The following PES1 variants were observed in gnomAD, a reference collection of about 807,000 sequenced individuals.
PES1 encodes pescadillo homolog.
A neutral mutation model predicts 77.1 loss-of-function variants in PES1; 31 were observed. The observed-to-expected ratio is 0.40, with a 90% CI of 0.30 to 0.54. The LOEUF (loss-of-function observed/expected upper bound fraction) is 0.54. Ranked by LOEUF, PES1 falls within the 20% of genes least tolerant of loss-of-function variation. The pLI, the probability that PES1 is intolerant of heterozygous loss-of-function variation, is 0.45. For synonymous variants in PES1, 282 were observed against 303.0 expected (o/e 0.93, Z 0.72); for missense variants, 658 against 771.7 (o/e 0.85, Z 1.75).
chr22:30,580,841 T>C, intron 9 of PES1, 140 bp from the exon 10 acceptor site: 1 of 1,330,954 alleles, frequency 7.5e-7, no homozygotes, highest in African/African-American at 1.5e-5. Context: ...GCCCCACTCC[T>C]GAGCTCTGTT....
chr22:30,577,185 G>A lies in PES1; in HGVS notation c.1684-56C>T, dbSNP rs1481084043. ...GGTATGTGTAGAAGGGAGGGTGGGG[G>A]GCACAGAACTCAAAGCTATATCCCT... On this transcript the variant is annotated intron_variant, in intron 14 of 14. Coordinates refer to ENST00000354694, the MANE Select transcript of PES1 (RefSeq NM_014303.4). The A allele has an allele frequency of 2.8e-6, 4 of 1,405,872 alleles. No individual in the cohort carries two copies. In the Middle Eastern group the frequency reaches 5.3e-4, roughly 185 times the overall value. The allele number at this position is 1,405,872 out of a possible 1,614,324, so 87.1% of individuals were successfully genotyped here. A position where few individuals can be genotyped will look rare whatever the true frequency, so the allele number is the denominator to read the frequency against.
At chr22:30,590,836 G>C (rs2087164465) in intron 1 of PES1, among the ~76,000 whole-genome samples, 1 of 152,074 alleles carries the variant, frequency 6.6e-6, no homozygotes, top group Admixed American at 6.5e-5. Flanking sequence ...CTGAAACCCA[G>C]CTTTTAAAAA....
In PES1 at chr22:30,577,007, C is replaced by T. The variant is rs1428181635; in HGVS notation, c.*39G>A. The T allele has an allele frequency of 6.4e-7, 1 of 1,557,316 alleles. No homozygotes were observed. Among genetic ancestry groups the T allele is most frequent in the Non-Finnish European group, 8.9e-7 (1 of 1,129,126 alleles). On this transcript the variant is annotated 3_prime_UTR_variant, in exon 15 of 15. Coordinates refer to ENST00000354694, the MANE Select transcript of PES1 (RefSeq NM_014303.4). Reference sequence around the variant, plus strand: ...GGCCTGCCTCTGCCACATCCAGCTGCTAGGGGCTGGCCTCAGCCCTGTGAG... The same window carrying T: ...GGCCTGCCTCTGCCACATCCAGCTGTTAGGGGCTGGCCTCAGCCCTGTGAG...
At chr22:30,580,966 C>A (rs375893770) in intron 9 of PES1, 46 bp downstream of exon 9, 14 of 1,530,056 alleles carry the variant, frequency 9.1e-6, no homozygotes, top group African/African-American at 1.4e-5. Flanking sequence ...AAACCCCCCA[C>A]ACGACCCCTC....
rs1034330636 is a variant in PES1 at position 30,591,824 on chromosome 22, G to A, written c.10C>T (p.Leu4Phe). MGGLEKKKYERGSA... is the reference protein window; with the variant it reads MGGFEKKKYERGSA... ...TTCCCAATCACCTTCTTCTTCTCAA[G>A]GCCTCCCATCGCTCCACGTTGAGGA... The change falls in exon 1 of 15, where the codon CTT becomes TTT. Residue 4 changes from leucine (L) to phenylalanine (F), a missense_variant. Physicochemically the swap from Leu to Phe is conservative, Grantham distance 22. Transcript: ENST00000354694. The A allele has an allele frequency of 1.7e-5, 27 of 1,563,400 alleles. No homozygotes were observed. The highest frequency in any genetic ancestry group is 2.2e-5 in the Non-Finnish European group (25 of 1,155,100).
chr22:30,589,346 C>T, intron 1 of PES1, 76 bp from the exon 2 acceptor site: 5 of 1,190,154 alleles, frequency 4.2e-6, no homozygotes, highest in Middle Eastern at 2.3e-4. Flanking sequence ...ATGCCTAGTT[C>T]CAGAGGCAAC....
intron 2 of PES1, 93 bp from the exon 3 acceptor site, chr22:30,588,267 G>A: frequency 6.9e-7 from 1 of 1,456,468 alleles, no homozygotes; most frequent in South Asian, 1.2e-5. Context: ...AGTAAATGGG[G>A]AACATGGGGT....
intron 1 of PES1, chr22:30,606,750 C>A: frequency 4.6e-6 from 3 of 657,952 alleles, no homozygotes; most frequent in Non-Finnish European, 5.6e-6. Context: ...ACAATCCCCT[C>A]CCGCCACAAC....
intron 2 of PES1, chr22:30,604,197 CA>C (rs2087401080): frequency 1.3e-5 from 2 of 152,154 alleles, no homozygotes; most frequent in Admixed American, 1.3e-4. Context: ...TTTTAGGCAA[CA>C]GTGGGATGTT....
intron 2 of PES1, among the ~76,000 whole-genome samples, chr22:30,602,823 A>G (rs1009360108): frequency 6.6e-6 from 1 of 152,228 alleles, no homozygotes; most frequent in African/African-American, 2.4e-5. Context: ...TTTTGCATAT[A>G]GACATCCAAT....
At position 30,591,871 on chromosome 22, in the gene PES1, A is replaced by C; in HGVS notation, c.-38T>G. Reference sequence around the variant, plus strand: ...AGGAGCCGACTAGGGCCGCGCGTACAGGGAGCTCCACTTCCTCCCGCACGT... The same window carrying C: ...AGGAGCCGACTAGGGCCGCGCGTACCGGGAGCTCCACTTCCTCCCGCACGT... On this transcript the variant is annotated 5_prime_UTR_variant, in exon 1 of 15. Transcript: ENST00000354694. The C allele has an allele frequency of 6.5e-7, 1 of 1,543,156 alleles. No individual in the cohort carries two copies. The highest frequency in any genetic ancestry group is 1.2e-5 in the South Asian group (1 of 83,786).
intron 2 of PES1, among the ~76,000 whole-genome samples, chr22:30,599,615 A>G (rs2087323485): frequency 6.6e-6 from 1 of 152,158 alleles, no homozygotes. Flanking sequence ...GGTGAAAAAT[A>G]TAGGCTGGGC....
chr22:30,577,229 A>G (rs1308528116), intron 14 of PES1, 100 bp from the exon 15 acceptor site: 2 of 987,264 alleles, frequency 2.0e-6, no homozygotes, highest in Admixed American at 4.1e-5. Flanking sequence ...GAGCTTCAAG[A>G]AAAGGTCACA....
intron 2 of PES1, among the ~76,000 whole-genome samples, chr22:30,588,615 T>TA (rs970737064): frequency 2.3e-4 from 34 of 147,678 alleles, no homozygotes; most frequent in East Asian, 1.2e-3. Context: ...CCATCTCTAC[T>TA]AAAAAAAAAA....
intron 2 of PES1, among the ~76,000 whole-genome samples, chr22:30,597,280 C>T (rs2087268870): frequency 6.6e-6 from 1 of 151,910 alleles, no homozygotes; most frequent in East Asian, 1.9e-4. Context: ...CAGGCAGCTC[C>T]ACCTGTCCTG....
chr22:30,603,543 G>A (rs534230796), intron 2 of PES1, among the ~76,000 whole-genome samples: 16 of 150,558 alleles, frequency 1.1e-4, no homozygotes, highest in Non-Finnish European at 2.1e-4. Flanking sequence ...CACCATGCCC[G>A]GCTAATTTTT....
chr22:30,592,373 T>C (rs2087196775), upstream of PES1: 1 of 988,396 alleles, frequency 1.0e-6, no homozygotes, highest in Admixed American at 6.1e-5. Context: ...CTTCGGGTTC[T>C]CTTTGGTTCA....
intron 10 of PES1, 90 bp downstream of exon 10, chr22:30,580,481 C>T: frequency 1.3e-6 from 2 of 1,500,448 alleles, no homozygotes; most frequent in Non-Finnish European, 9.1e-7. Flanking sequence ...AAACTGACAC[C>T]ATCCCAATGT....
chr22:30,577,138 G>C lies in PES1; in HGVS notation c.1684-9C>G. 6.2e-7 allele frequency: 1 copy of C among 1,613,062 alleles called. No homozygotes were observed. ...TCCGCCAGCTTGTTGGCCTGTGAGG[G>C]GGAAGGCGAAGGTCAGGCTGAGGTA... On this transcript the variant is annotated splice_polypyrimidine_tract_variant and intron_variant, in intron 14 of 14. Coordinates refer to ENST00000354694, the MANE Select transcript of PES1 (RefSeq NM_014303.4).
Sources: allele counts gnomAD v4.1 joint callset (sites outside exome capture counted in the v4.1 genomes callset), GRCh38; gene constraint gnomAD v4.1.1; transcripts MANE v1.5; gene names NCBI Gene and HGNC (gene_info 2026-07-23, HGNC 2026-07-21).